The following DOCK7 variants were observed in gnomAD, a reference collection of about 807,000 sequenced individuals.
DOCK7 encodes dedicator of cytokinesis protein 7.
A neutral mutation model predicts 271.0 loss-of-function variants in DOCK7; 138 were observed. The observed-to-expected ratio is 0.51, with a 90% CI of 0.44 to 0.59. DOCK7 has a LOEUF of 0.59. Among genes scored for constraint, DOCK7 ranks in the 20% least tolerant of loss-of-function variants. The pLI is 0.00. For missense variants in DOCK7, 2,066 were observed against 2,592.4 expected, an observed-to-expected ratio of 0.80 and a Z score of 4.41; for synonymous variants, 823 against 876.1, an observed-to-expected ratio of 0.94 and a Z score of 1.07.
intron 31 of DOCK7, among the ~76,000 whole-genome samples, chr1:62,517,275 T>A (rs1644689852): frequency 6.6e-6 from 1 of 151,944 alleles, no homozygotes; most frequent in African/African-American, 2.4e-5. Context: ...CCATGCCAAT[T>A]AAAAAACAAA....
At chr1:62,623,259 G>A (rs1341413400) in intron 12 of DOCK7, among the ~76,000 whole-genome samples, 1 of 152,110 alleles carries the variant, frequency 6.6e-6, no homozygotes, top group African/African-American at 2.4e-5. Flanking sequence ...TTTGCCTGAT[G>A]CATAATTTTC....
At chr1:62,514,609 C>G (rs534179338) in intron 31 of DOCK7, among the ~76,000 whole-genome samples, 1 of 151,654 alleles carries the variant, frequency 6.6e-6, no homozygotes, top group South Asian at 2.1e-4. Context: ...CCAAGCAGGT[C>G]GTATCATCCC....
At chr1:62,556,183 C>G (rs547206565) in intron 20 of DOCK7, among the ~76,000 whole-genome samples, 194 bp from the exon 21 acceptor site, 4 of 151,904 alleles carry the variant, frequency 2.6e-5, no homozygotes, top group African/African-American at 9.7e-5. Context: ...CTTTTCTGAA[C>G]AAAATGAGAA....
At chr1:62,578,269 A>G (rs992622371) in intron 17 of DOCK7, among the ~76,000 whole-genome samples, 1 of 152,202 alleles carries the variant, frequency 6.6e-6, no homozygotes, top group African/African-American at 2.4e-5. Flanking sequence ...GTATACACCT[A>G]ATAATCAGGA....
chr1:62,559,692 T>C (rs939894662), intron 19 of DOCK7, among the ~76,000 whole-genome samples: 1 of 152,162 alleles, frequency 6.6e-6, no homozygotes, highest in Non-Finnish European at 1.5e-5. Context: ...ATAGAGGTGC[T>C]GTATCTTCTT....
At chr1:62,608,790 G>A (rs1234316245) in intron 14 of DOCK7, 1 of 152,004 alleles carries the variant, frequency 6.6e-6, no homozygotes, top group Non-Finnish European at 1.5e-5. Flanking sequence ...CTGTCATCCT[G>A]GAATCAGCAT....
chr1:62,569,075 G>A (rs780477845), intron 18 of DOCK7, among the ~76,000 whole-genome samples: 8 of 152,046 alleles, frequency 5.3e-5, no homozygotes, highest in Non-Finnish European at 7.4e-5. Flanking sequence ...CCAATAACAA[G>A]TTCTGAAAAT....
At chr1:62,678,364 A>T (rs149223262) in intron 1 of DOCK7, among the ~76,000 whole-genome samples, 2 of 152,354 alleles carry the variant, frequency 1.3e-5, no homozygotes, top group African/African-American at 4.8e-5. Context: ...TCACAAGTAC[A>T]TTCAGAATAA....
chr1:62,586,505 A>C lies in DOCK7; in HGVS notation c.1800+2T>G. The C allele has an allele frequency of 6.3e-7, 1 of 1,580,440 alleles. No homozygotes were observed. The highest frequency in any genetic ancestry group is 8.6e-7 in the Non-Finnish European group (1 of 1,158,404). On this transcript the variant is annotated splice_donor_variant, in intron 15 of 49. Transcript: ENST00000635253. LOFTEE classifies it high-confidence loss of function. ...TTAGAAAAGTAAAAGAACATTTCTT[A>C]CCGGCATGGCATTGCTTGGATCCTC...
intron 48 of DOCK7, among the ~76,000 whole-genome samples, chr1:62,472,114 G>T (rs1169184120): frequency 3.3e-5 from 5 of 151,448 alleles, no homozygotes; most frequent in Non-Finnish European, 5.9e-5. Context: ...GTTTTGTTTT[G>T]TTTTTTTAGA....
At chr1:62,460,657 T>C (rs565356730) in intron 48 of DOCK7, among the ~76,000 whole-genome samples, 1 of 151,666 alleles carries the variant, frequency 6.6e-6, no homozygotes, top group African/African-American at 2.4e-5. Context: ...AGTATTTTTC[T>C]TTTTTTCTTT....
intron 18 of DOCK7, among the ~76,000 whole-genome samples, chr1:62,568,121 G>A (rs1646584126): frequency 1.3e-5 from 2 of 151,848 alleles, no homozygotes; most frequent in East Asian, 1.9e-4. Flanking sequence ...ACAACTACAC[G>A]GAAATTGCAC....
At chr1:62,615,056 G>A (rs923324444) in intron 14 of DOCK7, among the ~76,000 whole-genome samples, 1 of 151,788 alleles carries the variant, frequency 6.6e-6, no homozygotes. Flanking sequence ...CAGGTTACGA[G>A]AGCCCATCTC....
intron 1 of DOCK7, among the ~76,000 whole-genome samples, chr1:62,668,113 C>T (rs1398558165): frequency 1.3e-5 from 2 of 151,990 alleles, no homozygotes; most frequent in Non-Finnish European, 2.9e-5. Flanking sequence ...GTATTTGTGC[C>T]AAAAAATGTT....
At chr1:62,473,293 A>C (rs1210414355) in intron 48 of DOCK7, among the ~76,000 whole-genome samples, 1 of 152,162 alleles carries the variant, frequency 6.6e-6, no homozygotes, top group Non-Finnish European at 1.5e-5. Flanking sequence ...ATCTGAACAC[A>C]AGTTTTTTGC....
intron 14 of DOCK7, among the ~76,000 whole-genome samples, chr1:62,616,394 A>G (rs1652439401): frequency 6.6e-6 from 1 of 151,838 alleles, no homozygotes; most frequent in Non-Finnish European, 1.5e-5. Flanking sequence ...AAAAAATTAA[A>G]CAAATATAAA....
intron 14 of DOCK7, chr1:62,602,526 A>G (rs1450161850): frequency 1.4e-5 from 10 of 690,446 alleles, no homozygotes; most frequent in Non-Finnish European, 2.3e-5. Context: ...ACAATTACAC[A>G]TTTGTTAGTA....
intron 43 of DOCK7, chr1:62,483,042 C>T (rs1646175147): frequency 6.6e-6 from 1 of 152,034 alleles, no homozygotes; most frequent in African/African-American, 2.4e-5. Context: ...CAGGGTCTTA[C>T]TATGTCACCC....
At chr1:62,477,195 TA>T (rs1191439499) in intron 44 of DOCK7, 2 of 152,232 alleles carry the variant, frequency 1.3e-5, no homozygotes, top group African/African-American at 4.8e-5. Flanking sequence ...CCAGTAAATA[TA>T]AAACGCAATC....
Sources: allele counts gnomAD v4.1 joint callset (sites outside exome capture counted in the v4.1 genomes callset), GRCh38; gene constraint gnomAD v4.1.1; transcripts MANE v1.5; gene names NCBI Gene and HGNC (gene_info 2026-07-23, HGNC 2026-07-21).